NXPE2: variants seen among roughly 807,000 people sequenced by gnomAD.
NXPE2 encodes neurexophilin and PC-esterase domain family member 2.
In NXPE2, 34 loss-of-function variants were observed where a neutral mutation model predicts 34.4. The ratio of observed to expected loss-of-function variants is 0.99; its 90% CI spans 0.75 to 1.31. The LOEUF (loss-of-function observed/expected upper bound fraction) is 1.31, where lower values mean the gene tolerates loss of function less well. NXPE2 is among the 40% of genes most tolerant of loss of function. The probability of loss-of-function intolerance (pLI) is 0.00; values close to 1 mark genes in which losing one functional copy is unlikely to be tolerated. For missense variants in NXPE2, 649 were observed against 672.5 expected (o/e 0.97, Z 0.39); for synonymous variants, 235 against 231.3 (o/e 1.02, Z -0.15).
Position 114,688,329 on chromosome 11 carries a change from A to G in NXPE2, c.132+8567A>G, listed in dbSNP as rs141495092. On this transcript the variant is annotated intron_variant, in intron 2 of 5. Coordinates refer to ENST00000389586, the MANE Select transcript of NXPE2 (RefSeq NM_182495.6). ...GATTTTTATTGAATGCTTTTTCTGCATCTATTGAGATGATGATATAGTTTT... is the reference window on the plus strand; with the variant it reads ...GATTTTTATTGAATGCTTTTTCTGCGTCTATTGAGATGATGATATAGTTTT... Among the ~76,000 whole-genome samples, 1,116 of 152,214 alleles carry G rather than the reference A, an allele frequency of 7.3e-3. 5 individuals carry two copies. The highest frequency in any genetic ancestry group is 0.059 in the South Asian group (285 of 4,822).
chr11:114,475,911 C>T, the NXPE2 span, among the ~76,000 whole-genome samples: 1 of 152,224 alleles, frequency 6.6e-6, no homozygotes, highest in African/African-American at 2.4e-5. Context: ...ATAACACACA[C>T]ACACAGTAGC....
the NXPE2 span, among the ~76,000 whole-genome samples, chr11:114,666,890 T>A: frequency 6.6e-6 from 1 of 152,156 alleles, no homozygotes; most frequent in African/African-American, 2.4e-5. Flanking sequence ...TCATTCACAA[T>A]ACCCACACTT....
the NXPE2 span, among the ~76,000 whole-genome samples, chr11:114,798,511 G>A: frequency 6.2e-4 from 94 of 152,196 alleles, no homozygotes; most frequent in African/African-American, 2.2e-3. Flanking sequence ...AGCCTCCTCA[G>A]TAGCTGGGAT....
At chr11:114,464,959 A>C in the NXPE2 span, among the ~76,000 whole-genome samples, 8 of 152,202 alleles carry the variant, frequency 5.3e-5, no homozygotes, top group Non-Finnish European at 1.0e-4. Context: ...TGTTCACCTC[A>C]TTATTAATCA....
the NXPE2 span, among the ~76,000 whole-genome samples, chr11:114,538,559 C>T: frequency 2.0e-5 from 3 of 152,112 alleles, no homozygotes; most frequent in Admixed American, 2.0e-4. Context: ...CCAGAATCTA[C>T]AATGAACTCA....
At chr11:114,665,027 C>T in the NXPE2 span, among the ~76,000 whole-genome samples, 1 of 152,152 alleles carries the variant, frequency 6.6e-6, no homozygotes, top group Non-Finnish European at 1.5e-5. Context: ...TTTAATGGAA[C>T]ATAACCCCAT....
chr11:114,767,115 A>T, the NXPE2 span, among the ~76,000 whole-genome samples: 49,701 of 152,054 alleles, frequency 0.33, 8,972 homozygotes, highest in East Asian at 0.43. Flanking sequence ...GACACAGTTA[A>T]CTTATCCTAT....
At chr11:114,625,219 G>C in the NXPE2 span, among the ~76,000 whole-genome samples, 14 of 152,192 alleles carry the variant, frequency 9.2e-5, no homozygotes, top group Non-Finnish European at 1.6e-4. Flanking sequence ...ACTGTTACCT[G>C]TTGGATAATA....
At chr11:114,649,446 C>T in the NXPE2 span, among the ~76,000 whole-genome samples, 1 of 152,124 alleles carries the variant, frequency 6.6e-6, no homozygotes, top group Non-Finnish European at 1.5e-5. Flanking sequence ...ATGGAAGGAC[C>T]TCACAACTAT....
the NXPE2 span, among the ~76,000 whole-genome samples, chr11:114,487,341 T>C: frequency 6.6e-6 from 1 of 152,196 alleles, no homozygotes. Flanking sequence ...GTATGTTGAT[T>C]TTGTATCCTG....
At chr11:114,769,198 T>C in the NXPE2 span, among the ~76,000 whole-genome samples, 1 of 150,366 alleles carries the variant, frequency 6.7e-6, no homozygotes, top group Non-Finnish European at 1.5e-5. Context: ...CCAACAAACA[T>C]ATGAAAAAAA....
At chr11:114,720,832 G>T in the NXPE2 span, among the ~76,000 whole-genome samples, 1 of 152,160 alleles carries the variant, frequency 6.6e-6, no homozygotes, top group Non-Finnish European at 1.5e-5. Context: ...TCCAGGCACA[G>T]TTGAGCTCAT....
At chr11:114,755,881 A>T in the NXPE2 span, among the ~76,000 whole-genome samples, 1 of 152,114 alleles carries the variant, frequency 6.6e-6, no homozygotes, top group South Asian at 2.1e-4. Flanking sequence ...TACCTCCCTG[A>T]ACCTCAAGTT....
chr11:114,500,415 A>T, the NXPE2 span, among the ~76,000 whole-genome samples: 1 of 152,086 alleles, frequency 6.6e-6, no homozygotes, highest in Non-Finnish European at 1.5e-5. Flanking sequence ...CTTTTGTATG[A>T]TGAAAGGTTA....
the NXPE2 span, chr11:114,580,116 T>A: frequency 3.8e-5 from 61 of 1,600,622 alleles, no homozygotes; most frequent in Non-Finnish European, 2.7e-5. Flanking sequence ...GAATTATAGC[T>A]TAGACTGAGG....
chr11:114,532,466 A>C, the NXPE2 span, among the ~76,000 whole-genome samples: 1 of 152,172 alleles, frequency 6.6e-6, no homozygotes, highest in Non-Finnish European at 1.5e-5. Context: ...TAACAGTAAG[A>C]ATAAGAATAT....
At chr11:114,503,101 A>G in the NXPE2 span, among the ~76,000 whole-genome samples, 1 of 151,292 alleles carries the variant, frequency 6.6e-6, no homozygotes, top group Non-Finnish European at 1.5e-5. Flanking sequence ...TTTTTTTCAT[A>G]AGAAATTGAG....
chr11:114,686,132 A>G (rs1008430695), intron 2 of NXPE2, among the ~76,000 whole-genome samples: 1 of 152,062 alleles, frequency 6.6e-6, no homozygotes, highest in Non-Finnish European at 1.5e-5. Context: ...AATTTTTAAA[A>G]TTTTAGATTT....
At chr11:114,757,048 C>A in the NXPE2 span, among the ~76,000 whole-genome samples, 10 of 152,260 alleles carry the variant, frequency 6.6e-5, no homozygotes, top group South Asian at 2.1e-3. Flanking sequence ...TTTCCAGCTG[C>A]ACTTGATAAA....
Sources: gnomAD v4.1 joint callset for allele counts (sites outside exome capture counted in the v4.1 genomes callset) on GRCh38, gnomAD v4.1.1 for gene constraint, MANE v1.5 for transcripts, NCBI Gene and HGNC (gene_info 2026-07-23, HGNC 2026-07-21) for gene names.